MTMR12: variants seen among roughly 807,000 people sequenced by gnomAD.
The protein encoded by MTMR12 is myotubularin related protein 12.
In MTMR12, 33 loss-of-function variants were observed where a neutral mutation model predicts 96.7. That is an observed-to-expected ratio of 0.34 (90% confidence interval 0.26 to 0.46). The LOEUF (loss-of-function observed/expected upper bound fraction) is 0.46, where lower values mean the gene tolerates loss of function less well. Ranked by LOEUF, MTMR12 falls within the 20% of genes least tolerant of loss-of-function variation. The pLI is 1.00. For missense variants in MTMR12, 721 were observed against 896.1 expected (o/e 0.80, Z 2.49); for synonymous variants, 298 against 327.2 (o/e 0.91, Z 0.96).
intron 1 of MTMR12, among the ~76,000 whole-genome samples, chr5:32,299,620 C>T (rs777441028): frequency 6.6e-6 from 1 of 152,130 alleles, no homozygotes; most frequent in Non-Finnish European, 1.5e-5. Context: ...CAAGAGGAAC[C>T]AGGGACAGAT....
At chr5:32,278,017 T>G (rs939794497) in intron 1 of MTMR12, among the ~76,000 whole-genome samples, 2 of 152,360 alleles carry the variant, frequency 1.3e-5, no homozygotes, top group Admixed American at 1.3e-4. Context: ...TCTGGGTCAC[T>G]GCTTCTCAGT....
At chr5:32,289,025 C>T (rs537674445) in intron 1 of MTMR12, among the ~76,000 whole-genome samples, 1 of 152,316 alleles carries the variant, frequency 6.6e-6, no homozygotes, top group East Asian at 1.9e-4. Context: ...GTGGGAACTG[C>T]AATCACTCAA....
chr5:32,300,679 T>C (rs1334895077), intron 1 of MTMR12, among the ~76,000 whole-genome samples: 3 of 152,178 alleles, frequency 2.0e-5, no homozygotes, highest in Non-Finnish European at 4.4e-5. Flanking sequence ...GTCACCCTTT[T>C]AGCATAGATC....
At chr5:32,263,882 C>T (rs1581613603) in intron 6 of MTMR12, among the ~76,000 whole-genome samples, 1 of 152,340 alleles carries the variant, frequency 6.6e-6, no homozygotes, top group East Asian at 1.9e-4. Context: ...GGCACAAATG[C>T]TAAAGTGACA....
intron 8 of MTMR12, among the ~76,000 whole-genome samples, chr5:32,254,925 C>G (rs1581605365): frequency 6.6e-6 from 1 of 152,350 alleles, no homozygotes; most frequent in East Asian, 1.9e-4. Context: ...TCTGGCAACA[C>G]TTGGCTCATA....
At chr5:32,256,674 A>C (rs1749151145) in intron 7 of MTMR12, among the ~76,000 whole-genome samples, 1 of 152,244 alleles carries the variant, frequency 6.6e-6, no homozygotes, top group Non-Finnish European at 1.5e-5. Context: ...GCTTGAAATA[A>C]AGCCTCACAA....
intron 7 of MTMR12, among the ~76,000 whole-genome samples, chr5:32,262,021 G>A (rs1430754685): frequency 1.3e-5 from 2 of 152,110 alleles, no homozygotes; most frequent in Non-Finnish European, 2.9e-5. Flanking sequence ...ACAGTGGACC[G>A]AGATCACGCC....
At chr5:32,250,713 T>C (rs1365347985) in intron 8 of MTMR12, among the ~76,000 whole-genome samples, 1 of 152,212 alleles carries the variant, frequency 6.6e-6, no homozygotes, top group Non-Finnish European at 1.5e-5. Context: ...GCAGAAAGCA[T>C]AGTCCCTTGG....
chr5:32,241,466 T>C (rs1424213487), intron 12 of MTMR12, among the ~76,000 whole-genome samples: 3 of 152,206 alleles, frequency 2.0e-5, no homozygotes, highest in Non-Finnish European at 2.9e-5. Context: ...ATTTATAGTG[T>C]GGGGCTAAAC....
At chr5:32,296,158 CA>C (rs542451211) in intron 1 of MTMR12, among the ~76,000 whole-genome samples, 51 of 139,326 alleles carry the variant, frequency 3.7e-4, no homozygotes, top group African/African-American at 9.2e-4. Flanking sequence ...GACTCTGTCT[CA>C]AAAAAAAAAA....
At chr5:32,238,143 C>CA (rs746835069) in intron 13 of MTMR12, among the ~76,000 whole-genome samples, 9,951 of 57,658 alleles carry the variant, frequency 0.17, 980 homozygotes, top group African/African-American at 0.27. Flanking sequence ...GACTCCGTCT[C>CA]AAAAAAAAAA....
intron 5 of MTMR12, 62 bp downstream of exon 5, chr5:32,270,755 A>C (rs1318705698): frequency 2.0e-6 from 3 of 1,531,318 alleles, no homozygotes; most frequent in African/African-American, 1.4e-5. Context: ...GTAAGCAAAA[A>C]CTAGAGCTAG....
chr5:32,271,498 T>C (rs1749831240), intron 4 of MTMR12, among the ~76,000 whole-genome samples: 1 of 152,168 alleles, frequency 6.6e-6, no homozygotes. Context: ...GACATCTTAA[T>C]GCAATACAAC....
intron 1 of MTMR12, among the ~76,000 whole-genome samples, chr5:32,304,655 G>A (rs551837716): frequency 2.7e-4 from 41 of 152,320 alleles, no homozygotes; most frequent in African/African-American, 9.6e-4. Context: ...TTCTAAGTGT[G>A]GGGTCCCCAC....
At chr5:32,243,231 T>C (rs912117945) in intron 11 of MTMR12, among the ~76,000 whole-genome samples, 2 of 152,244 alleles carry the variant, frequency 1.3e-5, no homozygotes, top group South Asian at 4.1e-4. Flanking sequence ...GTTTCCTCCC[T>C]GGAGGCCAGC....
At chr5:32,257,904 C>T (rs1749204043) in intron 7 of MTMR12, among the ~76,000 whole-genome samples, 1 of 151,992 alleles carries the variant, frequency 6.6e-6, no homozygotes, top group Non-Finnish European at 1.5e-5. Context: ...CCCCTCGCTA[C>T]TAAAAATATA....
In MTMR12 at chr5:32,233,455, A is replaced by ACACACACACACACACAC. The variant is rs1748080600; in HGVS notation, c.1674+317_1674+318insGTGTGTGTGTGTGTGTG. Reference sequence around the variant, plus strand: ...CAATCAATGTTCCTTTTACTCTACTAACACACACACACACACAAACACACA... The same window carrying ACACACACACACACACAC: ...CAATCAATGTTCCTTTTACTCTACTACACACACACACACACACACACACACACACACACAAACACACA... On this transcript the variant is annotated intron_variant, in intron 15 of 15. Transcript: ENST00000382142. The surrounding 1 kb of genome is among the most constrained non-coding windows in gnomAD (Gnocchi z 5.0). Among the ~76,000 whole-genome samples, 1 of 147,858 alleles carries ACACACACACACACACAC rather than the reference A, an allele frequency of 6.8e-6. No homozygotes were observed. Among genetic ancestry groups the ACACACACACACACACAC allele is most frequent in the African/African-American group, 2.6e-5 (1 of 38,918 alleles).
At chr5:32,232,991 G>C (rs1452027971) in intron 15 of MTMR12, 3 of 985,210 alleles carry the variant, frequency 3.0e-6, no homozygotes, top group Non-Finnish European at 3.6e-6. Context: ...TGGACTCTGT[G>C]GGGGAGAAAT....
chr5:32,242,722 G>A (rs1428507849), intron 11 of MTMR12, among the ~76,000 whole-genome samples: 1 of 151,690 alleles, frequency 6.6e-6, no homozygotes, highest in Non-Finnish European at 1.5e-5. Context: ...GGCTAGAGAT[G>A]CTCACCCTTC....
Sources: allele counts gnomAD v4.1 joint callset (sites outside exome capture counted in the v4.1 genomes callset), GRCh38; gene constraint gnomAD v4.1.1; non-coding constraint Gnocchi (gnomAD v3.1); transcripts MANE v1.5; gene names NCBI Gene and HGNC (gene_info 2026-07-23, HGNC 2026-07-21).